The following SPTBN1 variants were observed in gnomAD, a reference collection of about 807,000 sequenced individuals.
The protein encoded by SPTBN1 is spectrin beta chain, non-erythrocytic 1.
A neutral mutation model predicts 266.4 loss-of-function variants in SPTBN1; 32 were observed. The ratio of observed to expected loss-of-function variants is 0.12; its 90% CI spans 0.09 to 0.16. SPTBN1 has a LOEUF of 0.16. SPTBN1 is among the 10% of genes least tolerant of loss of function. The pLI, the probability that SPTBN1 is intolerant of heterozygous loss-of-function variation, is 1.00. For missense variants in SPTBN1, 2,296 were observed against 3,067.1 expected (o/e 0.75, Z 5.94); for synonymous variants, 1,336 against 1,162.2 (o/e 1.15, Z -3.04).
chr2:54,538,957 C>G (rs185365662), intron 2 of SPTBN1, among the ~76,000 whole-genome samples: 22 of 152,296 alleles, frequency 1.4e-4, no homozygotes, highest in African/African-American at 4.8e-4. Context: ...AAGCTCTCCC[C>G]ACTGCCTCCA....
intron 11 of SPTBN1, 127 bp downstream of exon 11, chr2:54,625,089 C>G: frequency 9.1e-7 from 1 of 1,103,002 alleles, no homozygotes; most frequent in Non-Finnish European, 1.3e-6. Flanking sequence ...AACGTCAGGT[C>G]ACCTTGGCCC....
At chr2:54,522,658 A>AAAGAGAAAG (rs1553439361) in intron 1 of SPTBN1, among the ~76,000 whole-genome samples, 2 of 81,808 alleles carry the variant, frequency 2.4e-5, no homozygotes, top group African/African-American at 8.7e-5. Flanking sequence ...GAGAGAGAGA[A>AAAGAGAAAG]AGAGAGAGAG....
At chr2:54,667,871 A>C (rs1261165807) in intron 35 of SPTBN1, among the ~76,000 whole-genome samples, 1 of 152,178 alleles carries the variant, frequency 6.6e-6, no homozygotes, top group Non-Finnish European at 1.5e-5. Flanking sequence ...AAGTCGATGG[A>C]ATCTTTGCCT....
At position 54,645,102 on chromosome 2, in the gene SPTBN1, A is replaced by C; in HGVS notation, c.4270-127A>C. 1 of 908,756 alleles carries C rather than the reference A, an allele frequency of 1.1e-6. No homozygotes were observed. The highest frequency in any genetic ancestry group is 1.7e-6 in the Non-Finnish European group (1 of 594,196). The allele number at this position is 908,756 out of a possible 1,614,324, so 56.3% of individuals were successfully genotyped here. ...TGTTGAAAAGCAAGTCAGTGGCAAA[A>C]TGTTTGAGTGGCTCCCATGGCTGGC... On this transcript the variant is annotated intron_variant, in intron 20 of 35. Transcript: ENST00000356805. The surrounding 1 kb of genome is among the most constrained non-coding windows in gnomAD (Gnocchi z 4.3).
chr2:54,600,081 GT>G (rs1342600586), intron 3 of SPTBN1, among the ~76,000 whole-genome samples: 1 of 152,198 alleles, frequency 6.6e-6, no homozygotes, highest in Non-Finnish European at 1.5e-5. Context: ...GATGCTGGCA[GT>G]TGGCAGGGCT....
At chr2:54,609,212 G>A (rs1465728858) in intron 3 of SPTBN1, among the ~76,000 whole-genome samples, 1 of 152,162 alleles carries the variant, frequency 6.6e-6, no homozygotes, top group Admixed American at 6.5e-5. Flanking sequence ...CGCATCATTT[G>A]TCATCTTTTT....
chr2:54,572,319 A>G (rs1674142535), intron 2 of SPTBN1, among the ~76,000 whole-genome samples: 1 of 152,232 alleles, frequency 6.6e-6, no homozygotes, highest in African/African-American at 2.4e-5. Flanking sequence ...AAAAATGTTA[A>G]AAATGTACCC....
At chr2:54,489,405 G>A (rs1668572342) in intron 1 of SPTBN1, among the ~76,000 whole-genome samples, 1 of 151,890 alleles carries the variant, frequency 6.6e-6, no homozygotes, top group South Asian at 2.1e-4. Flanking sequence ...CTGATTTTTA[G>A]AATCATAATT....
At chr2:54,640,917 G>A (rs1679492451) in intron 18 of SPTBN1, among the ~76,000 whole-genome samples, 1 of 152,204 alleles carries the variant, frequency 6.6e-6, no homozygotes, top group South Asian at 2.1e-4. Context: ...TTCCTTTTGT[G>A]TTGTATGTCC....
At chr2:54,595,708 G>A (rs749666202) in intron 2 of SPTBN1, among the ~76,000 whole-genome samples, 2 of 152,214 alleles carry the variant, frequency 1.3e-5, no homozygotes, top group Non-Finnish European at 2.9e-5. Context: ...ACCCACCTTG[G>A]AGGGGTGCTC....
intron 2 of SPTBN1, among the ~76,000 whole-genome samples, chr2:54,597,410 C>A (rs1676159299): frequency 6.6e-6 from 1 of 152,204 alleles, no homozygotes; most frequent in African/African-American, 2.4e-5. Context: ...TCCACTGCAG[C>A]CTGCCCCTTA....
rs1273546932 is a variant in SPTBN1, at chr2:54,670,781, A to G, written c.*2212A>G. On this transcript the variant is annotated 3_prime_UTR_variant, in exon 36 of 36. Coordinates refer to ENST00000356805, the MANE Select transcript of SPTBN1 (RefSeq NM_003128.3). ...AGTTATGAAGCCAGGGTTTGGTGGT[A>G]TTTGCTCTCTCTTGGTGCATTTGAT... 2 of 398,300 alleles carry G rather than the reference A, an allele frequency of 5.0e-6. No individual in the cohort carries two copies. The highest frequency in any genetic ancestry group is 4.4e-5 in the Admixed American group (1 of 22,694). 24.7% of individuals were successfully genotyped at this position (398,300 alleles called of 1,614,324 possible).
chr2:54,616,351 A>G (rs1677606677), intron 5 of SPTBN1, 53 bp downstream of exon 5: 4 of 1,515,088 alleles, frequency 2.6e-6, no homozygotes, highest in Non-Finnish European at 3.6e-6. Context: ...ACTGAATTCC[A>G]CTGCAGTCAT....
chr2:54,466,243 A>G (rs1693624050), intron 1 of SPTBN1, among the ~76,000 whole-genome samples: 1 of 152,186 alleles, frequency 6.6e-6, no homozygotes, highest in South Asian at 2.1e-4. Context: ...ATAGATTTTT[A>G]CCCAATAGAT....
intron 1 of SPTBN1, among the ~76,000 whole-genome samples, chr2:54,485,173 CGTCTCCCTCTCCGTCTCCCTCTCG>C (rs1362447433): frequency 4.0e-5 from 6 of 151,546 alleles, no homozygotes; most frequent in African/African-American, 1.5e-4. Context: ...CCTCTCCCTC[CGTCTCCCTCTCCGTCTCCCTCTCG>C]GTCTCCCTCT....
Position 54,649,703 on chromosome 2 carries a change from A to C in SPTBN1, c.5291A>C (p.Glu1764Ala). ...RVDTVNHLAD[E>A]LINSGHSDAA... ...GACACGGTCAATCACCTGGCAGATG[A>C]GCTCATCAACTCTGGACATTCAGAT... is the stretch of plus-strand genomic sequence containing the variant. The change falls in exon 26 of 36, where the codon GAG becomes GCG. Residue 1764 changes from glutamate (E) to alanine (A), a missense_variant. By Grantham distance (107) the Glu-to-Ala change is moderately radical. Transcript: ENST00000356805. This position sits in a 1 kb window ranked among gnomAD's most constrained non-coding sequence, Gnocchi z 6.7. 1 of 1,614,128 alleles carries C rather than the reference A, an allele frequency of 6.2e-7. No homozygotes were observed. The highest frequency in any genetic ancestry group is 8.5e-7 in the Non-Finnish European group (1 of 1,180,024).
intron 2 of SPTBN1, among the ~76,000 whole-genome samples, chr2:54,565,665 G>C (rs1673614191): frequency 6.6e-6 from 1 of 152,130 alleles, no homozygotes; most frequent in Non-Finnish European, 1.5e-5. Flanking sequence ...CCAGCAACTT[G>C]GCATCTGTAA....
At chr2:54,579,845 A>G (rs1674758370) in intron 2 of SPTBN1, among the ~76,000 whole-genome samples, 1 of 152,224 alleles carries the variant, frequency 6.6e-6, no homozygotes. Context: ...AAACTCTGAA[A>G]GCAAATAGCC....
chr2:54,543,982 T>C (rs536122203), intron 2 of SPTBN1, among the ~76,000 whole-genome samples: 38 of 152,162 alleles, frequency 2.5e-4, no homozygotes, highest in Non-Finnish European at 4.9e-4. Flanking sequence ...ACAGCTGTAG[T>C]TAGGTATAAG....
Sources: allele counts gnomAD v4.1 joint callset (sites outside exome capture counted in the v4.1 genomes callset), GRCh38; gene constraint gnomAD v4.1.1; non-coding constraint Gnocchi (gnomAD v3.1); transcripts MANE v1.5; gene names NCBI Gene and HGNC (gene_info 2026-07-23, HGNC 2026-07-21).